Variants in SH3GL2 observed in about 807,000 individuals in gnomAD.
The protein encoded by SH3GL2 is SH3 domain containing GRB2 like 2, endophilin A1.
SH3GL2 carries 24 observed loss-of-function variants against 46.0 expected under a neutral mutation model. The ratio of observed to expected loss-of-function variants is 0.52; its 90% CI spans 0.38 to 0.73. The LOEUF (loss-of-function observed/expected upper bound fraction) is 0.73. SH3GL2 is among the 30% of genes least tolerant of loss of function. The pLI, the probability that SH3GL2 is intolerant of heterozygous loss-of-function variation, is 0.00. For synonymous variants in SH3GL2, 196 were observed against 147.1 expected, an observed-to-expected ratio of 1.33 and a Z score of -2.40; for missense variants, 413 against 424.2, an observed-to-expected ratio of 0.97 and a Z score of 0.23.
chr9:17,694,766 G>T (rs1216697066), intron 1 of SH3GL2, among the ~76,000 whole-genome samples: 1 of 152,136 alleles, frequency 6.6e-6, no homozygotes, highest in African/African-American at 2.4e-5. Context: ...TTTCCTTAAG[G>T]TATTGCTCTG....
intron 1 of SH3GL2, among the ~76,000 whole-genome samples, chr9:17,727,206 G>T (rs761443492): frequency 6.6e-6 from 1 of 152,158 alleles, no homozygotes; most frequent in Non-Finnish European, 1.5e-5. Context: ...GGTTGTATAA[G>T]GTTGTATGCG....
At chr9:17,686,722 A>T (rs1452164992) in intron 1 of SH3GL2, among the ~76,000 whole-genome samples, 1 of 140,672 alleles carries the variant, frequency 7.1e-6, no homozygotes, top group Non-Finnish European at 1.5e-5. Context: ...TCTCACTCAT[A>T]GGTGGGAATT....
At chr9:17,650,764 CA>C (rs1819936811) in intron 1 of SH3GL2, among the ~76,000 whole-genome samples, 2 of 152,192 alleles carry the variant, frequency 1.3e-5, no homozygotes, top group Admixed American at 6.5e-5. Flanking sequence ...CTATTGTGAA[CA>C]TATTAATTAA....
chr9:17,614,843 G>A (rs1352234679), intron 1 of SH3GL2, among the ~76,000 whole-genome samples: 1 of 152,170 alleles, frequency 6.6e-6, no homozygotes, highest in African/African-American at 2.4e-5. Flanking sequence ...TTACAAGGTT[G>A]ATGCGGCTGA....
At chr9:17,683,599 AG>A (rs1820830407) in intron 1 of SH3GL2, among the ~76,000 whole-genome samples, 1 of 152,064 alleles carries the variant, frequency 6.6e-6, no homozygotes. Flanking sequence ...CCCTATACCC[AG>A]GCAAACGGAT....
At position 17,604,112 on chromosome 9, in the gene SH3GL2, C is replaced by T. The variant is rs909282547; in HGVS notation, c.45+24825C>T. Among the ~76,000 whole-genome samples, 4 of 152,180 alleles carry T rather than the reference C, an allele frequency of 2.6e-5. No individual in the cohort carries two copies. The East Asian group carries it at 7.7e-4, about 29-fold the overall frequency. Reference sequence around the variant, plus strand: ...TGGGAAGGGTCCTTAGACCTGTCATCTGCTCCAACACTTTCACTTCATACG... The same window carrying T: ...TGGGAAGGGTCCTTAGACCTGTCATTTGCTCCAACACTTTCACTTCATACG... On this transcript the variant is annotated intron_variant, in intron 1 of 8. Coordinates refer to ENST00000380607, the MANE Select transcript of SH3GL2 (RefSeq NM_003026.5).
intron 1 of SH3GL2, among the ~76,000 whole-genome samples, chr9:17,586,432 C>T (rs1210720242): frequency 1.3e-5 from 2 of 152,046 alleles, no homozygotes; most frequent in Non-Finnish European, 2.9e-5. Flanking sequence ...AACCTTTCCC[C>T]ATAGATACTA....
rs374574937 is a variant in SH3GL2 at position 17,777,836 on chromosome 9, A to G, written c.188-8545A>G. Among the ~76,000 whole-genome samples the G allele has an allele frequency of 9.6e-4, 146 of 152,232 alleles. 1 individual carries two copies. In the South Asian group the frequency reaches 0.029, roughly 30 times the overall value. On this transcript the variant is annotated intron_variant, in intron 3 of 8. Coordinates refer to ENST00000380607, the MANE Select transcript of SH3GL2 (RefSeq NM_003026.5). Reference sequence around the variant, plus strand: ...TTACATTGGGTATTGGGGTTTCAGCATATGAATTTGGGGAGGACAAATAGC... The same window carrying G: ...TTACATTGGGTATTGGGGTTTCAGCGTATGAATTTGGGGAGGACAAATAGC...
intron 1 of SH3GL2, chr9:17,630,466 A>G (rs1000419661): frequency 4.4e-4 from 67 of 152,338 alleles, no homozygotes; most frequent in African/African-American, 1.6e-3. Context: ...ACAAACACAC[A>G]CCCTACTCCG....
chr9:17,761,317 A>G, intron 2 of SH3GL2, 120 bp from the exon 3 acceptor site: 1 of 692,492 alleles, frequency 1.4e-6, no homozygotes, highest in Non-Finnish European at 2.6e-6. Context: ...TCCCTCACCT[A>G]CTGCGGGACT....
intron 1 of SH3GL2, among the ~76,000 whole-genome samples, chr9:17,682,543 C>T (rs188351225): frequency 1.2e-3 from 182 of 152,018 alleles, no homozygotes; most frequent in African/African-American, 3.8e-3. Context: ...CCAACATGCA[C>T]CAGGGCCTGT....
In SH3GL2 at chr9:17,685,072, G is replaced by A. The variant is rs545134305; in HGVS notation, c.46-61994G>A. Among the ~76,000 whole-genome samples the A allele has an allele frequency of 3.9e-5, 6 of 152,130 alleles. No individual in the cohort carries two copies. The South Asian group carries it at 1.2e-3, about 32-fold the overall frequency. On this transcript the variant is annotated intron_variant, in intron 1 of 8. Coordinates refer to ENST00000380607, the MANE Select transcript of SH3GL2 (RefSeq NM_003026.5). ...GTGGTTTTTAAGGGTGGTGTACTTG[G>A]TACCTATATCAGCCAAGGTTTTCTA... is the stretch of plus-strand genomic sequence containing the variant.
chr9:17,618,770 A>C (rs1175794144), intron 1 of SH3GL2, among the ~76,000 whole-genome samples: 1 of 147,320 alleles, frequency 6.8e-6, no homozygotes, highest in East Asian at 2.1e-4. Flanking sequence ...ATTGAACTAA[A>C]TTTTTGCCAA....
chr9:17,676,289 A>G (rs1400121453), intron 1 of SH3GL2, among the ~76,000 whole-genome samples: 1 of 152,092 alleles, frequency 6.6e-6, no homozygotes, highest in African/African-American at 2.4e-5. Context: ...AATGGGAAGA[A>G]TTATTTTTGC....
chr9:17,665,788 C>G (rs1820327336), intron 1 of SH3GL2, among the ~76,000 whole-genome samples: 1 of 151,178 alleles, frequency 6.6e-6, no homozygotes. Flanking sequence ...TTATTGCTAC[C>G]AGAATGTCAT....
chr9:17,774,731 A>T (rs1249754388), intron 3 of SH3GL2, among the ~76,000 whole-genome samples: 1 of 152,140 alleles, frequency 6.6e-6, no homozygotes, highest in Non-Finnish European at 1.5e-5. Context: ...CAATGATCGT[A>T]AGAGATATTG....
chr9:17,739,887 C>G (rs905680705), intron 1 of SH3GL2, among the ~76,000 whole-genome samples: 3 of 152,040 alleles, frequency 2.0e-5, no homozygotes, highest in African/African-American at 7.2e-5. Context: ...GTGAACCACA[C>G]CAGAAACAGT....
At chr9:17,621,713 C>G (rs1450071061) in intron 1 of SH3GL2, among the ~76,000 whole-genome samples, 2 of 152,160 alleles carry the variant, frequency 1.3e-5, no homozygotes, top group African/African-American at 4.8e-5. Context: ...GATGCGTGTT[C>G]TTCAGTGTGC....
intron 1 of SH3GL2, among the ~76,000 whole-genome samples, chr9:17,609,841 A>T (rs3780249): frequency 0.24 from 36,765 of 152,018 alleles, 4,770 homozygotes; most frequent in East Asian, 0.37. Flanking sequence ...AATGGGGGGT[A>T]GGTTGGAAGA....
Sources: gnomAD v4.1 joint callset for allele counts (sites outside exome capture counted in the v4.1 genomes callset) on GRCh38, gnomAD v4.1.1 for gene constraint, MANE v1.5 for transcripts, NCBI Gene and HGNC (gene_info 2026-07-23, HGNC 2026-07-21) for gene names.